The following NRG3 variants were observed in gnomAD, a reference collection of about 807,000 sequenced individuals.
NRG3 encodes the protein pro-neuregulin-3, membrane-bound isoform.
Under a neutral mutation model 66.9 loss-of-function variants are expected in NRG3, and 31 were observed. That is an observed-to-expected ratio of 0.46 (90% CI 0.35 to 0.63). The LOEUF is 0.63. Among genes scored for constraint, NRG3 ranks in the 20% least tolerant of loss-of-function variants. The probability of loss-of-function intolerance (pLI) is 0.00; values close to 1 mark genes in which losing one functional copy is unlikely to be tolerated. For synonymous variants in NRG3, 393 were observed against 359.4 expected (o/e 1.09, Z -1.06); for missense variants, 910 against 878.9 (o/e 1.04, Z -0.45).
intron 1 of NRG3, among the ~76,000 whole-genome samples, chr10:82,185,454 A>G (rs1305926066): frequency 1.3e-5 from 2 of 152,162 alleles, no homozygotes; most frequent in African/African-American, 4.8e-5. Flanking sequence ...CAGATCATCA[A>G]TGTCTATTTA....
intron 1 of NRG3, among the ~76,000 whole-genome samples, chr10:81,955,833 A>G (rs1849778870): frequency 6.6e-6 from 1 of 152,114 alleles, no homozygotes; most frequent in South Asian, 2.1e-4. Context: ...GACTTCTCCA[A>G]TAAACTCTGC....
intron 1 of NRG3, among the ~76,000 whole-genome samples, chr10:81,968,260 G>C (rs2059804456): frequency 6.6e-6 from 1 of 152,180 alleles, no homozygotes; most frequent in Non-Finnish European, 1.5e-5. Flanking sequence ...GCCAATCAGT[G>C]AGTGGATGAC....
intron 1 of NRG3, among the ~76,000 whole-genome samples, chr10:81,989,395 C>A (rs946356204): frequency 6.6e-6 from 1 of 151,766 alleles, no homozygotes; most frequent in Non-Finnish European, 1.5e-5. Flanking sequence ...GACCCAGTCG[C>A]ATACCTTAAA....
intron 2 of NRG3, among the ~76,000 whole-genome samples, chr10:82,596,647 C>T (rs1218824283): frequency 6.6e-6 from 1 of 152,030 alleles, no homozygotes; most frequent in Non-Finnish European, 1.5e-5. Context: ...GGGGCTTTAG[C>T]GGTATGTTTT....
intron 1 of NRG3, among the ~76,000 whole-genome samples, chr10:82,213,683 T>C (rs2075516307): frequency 1.3e-5 from 2 of 152,198 alleles, no homozygotes; most frequent in Admixed American, 6.5e-5. Flanking sequence ...TATCCCAGCA[T>C]TTTAAATACT....
intron 1 of NRG3, among the ~76,000 whole-genome samples, chr10:81,963,143 T>C (rs2059588181): frequency 2.2e-5 from 3 of 133,646 alleles, no homozygotes. Flanking sequence ...TTTTTTTTTT[T>C]TTTTTTTTGA....
intron 2 of NRG3, among the ~76,000 whole-genome samples, chr10:82,474,089 T>G (rs1841533316): frequency 1.3e-5 from 2 of 152,156 alleles, no homozygotes; most frequent in East Asian, 2.0e-4. Context: ...TTTAAGGCTT[T>G]ATGTCATACC....
At chr10:81,953,210 T>C (rs1849538554) in intron 1 of NRG3, among the ~76,000 whole-genome samples, 2 of 152,166 alleles carry the variant, frequency 1.3e-5, no homozygotes, top group Non-Finnish European at 2.9e-5. Flanking sequence ...TAGCTGTTTG[T>C]CTCCATTCTT....
chr10:82,443,940 A>G (rs775415606), intron 2 of NRG3, among the ~76,000 whole-genome samples: 4 of 152,242 alleles, frequency 2.6e-5, no homozygotes, highest in Non-Finnish European at 5.9e-5. Flanking sequence ...CACAGCCGTT[A>G]TCATAAATAC....
rs534654508 is a variant in NRG3, at chr10:82,912,226, C to A, written c.1055-39243C>A. 3.3e-5 allele frequency among the ~76,000 whole-genome samples: 5 copies of A among 152,240 alleles called. No homozygotes were observed. In the East Asian group the frequency reaches 5.8e-4, roughly 18 times the overall value. On this transcript the variant is annotated intron_variant, in intron 4 of 8. Coordinates refer to ENST00000372141, the MANE Select transcript of NRG3 (RefSeq NM_001010848.4). ...CAGTCAACTACATCCTTACTGATAG[C>A]CTGCTTGCTGGATAGAAGGGTTCAA...
intron 2 of NRG3, among the ~76,000 whole-genome samples, chr10:82,385,269 T>C (rs939002823): frequency 5.3e-5 from 8 of 152,156 alleles, no homozygotes; most frequent in African/African-American, 1.9e-4. Context: ...TGTAGGTTGT[T>C]TGTTTACATT....
intron 3 of NRG3, among the ~76,000 whole-genome samples, chr10:82,802,653 A>T (rs894548283): frequency 1.3e-5 from 2 of 151,618 alleles, no homozygotes; most frequent in African/African-American, 4.8e-5. Context: ...CTTTATTTTT[A>T]TTTTTTTTAA....
chr10:82,715,226 C>T (rs1351983588), intron 2 of NRG3, among the ~76,000 whole-genome samples: 19 of 152,134 alleles, frequency 1.2e-4, no homozygotes, highest in Admixed American at 1.0e-3. Context: ...AAAACCCCAT[C>T]GCTACCAAAA....
intron 1 of NRG3, among the ~76,000 whole-genome samples, chr10:81,927,332 G>A (rs996527351): frequency 6.6e-6 from 1 of 152,034 alleles, no homozygotes; most frequent in Non-Finnish European, 1.5e-5. Flanking sequence ...AAGGAGAATG[G>A]TCGTAGTCTA....
At position 81,875,850 on chromosome 10, in the gene NRG3, G is replaced by C; in HGVS notation, c.510G>C (p.Gly170=). 2 of 1,609,488 alleles carry C rather than the reference G, an allele frequency of 1.2e-6. No individual in the cohort carries two copies. The highest frequency in any genetic ancestry group is 1.7e-6 in the Non-Finnish European group (2 of 1,179,650). ...TITRAPTRFP[G]HRVPIRASPR... Reference sequence around the variant, plus strand: ...CGCGGGCGCCCACTCGCTTCCCCGGGCACCGGGTGCCCATCCGGGCCAGCC... The same window carrying C: ...CGCGGGCGCCCACTCGCTTCCCCGGCCACCGGGTGCCCATCCGGGCCAGCC... Residue 170 remains glycine, a synonymous_variant, in exon 1 of 9, where the codon GGG becomes GGC. Transcript: ENST00000372141. The surrounding 1 kb of genome is among the most constrained non-coding windows in gnomAD (Gnocchi z 5.3).
chr10:82,650,649 T>C (rs963081607), intron 2 of NRG3, among the ~76,000 whole-genome samples: 2 of 152,242 alleles, frequency 1.3e-5, no homozygotes, highest in African/African-American at 4.8e-5. Context: ...CACATCAGTT[T>C]AAGTAACAGT....
intron 2 of NRG3, among the ~76,000 whole-genome samples, chr10:82,608,004 TTTTATC>T (rs1366805885): frequency 6.6e-6 from 1 of 152,120 alleles, no homozygotes. Flanking sequence ...AAAGGAAAGA[TTTTATC>T]TTTATGTATT....
chr10:82,887,835 A>T (rs1265457553), intron 4 of NRG3, among the ~76,000 whole-genome samples: 1 of 152,220 alleles, frequency 6.6e-6, no homozygotes, highest in Non-Finnish European at 1.5e-5. Flanking sequence ...TTGTTGTTGA[A>T]CATATGCAGG....
chr10:81,957,271 T>C (rs2144467), intron 1 of NRG3, among the ~76,000 whole-genome samples: 1 of 152,156 alleles, frequency 6.6e-6, no homozygotes, highest in Admixed American at 6.5e-5. Flanking sequence ...GTTGTTAGGC[T>C]ACTGAAATTT....
Sources: allele counts gnomAD v4.1 joint callset (sites outside exome capture counted in the v4.1 genomes callset), GRCh38; gene constraint gnomAD v4.1.1; non-coding constraint Gnocchi (gnomAD v3.1); transcripts MANE v1.5; gene names NCBI Gene and HGNC (gene_info 2026-07-23, HGNC 2026-07-21).